PSD2: variants seen among roughly 807,000 people sequenced by gnomAD.
PSD2 encodes PH and SEC7 domain-containing protein 2.
A neutral mutation model predicts 69.8 loss-of-function variants in PSD2; 38 were observed. The ratio of observed to expected loss-of-function variants is 0.54; its 90% CI spans 0.42 to 0.71. PSD2 has a LOEUF of 0.71. Ranked by LOEUF, PSD2 falls within the 30% of genes least tolerant of loss-of-function variation. The pLI, the probability that PSD2 is intolerant of heterozygous loss-of-function variation, is 0.00. For missense variants in PSD2, 943 were observed against 1,014.5 expected (o/e 0.93, Z 0.96); for synonymous variants, 412 against 423.0 (o/e 0.97, Z 0.32).
In PSD2 at chr5:139,835,723, A is replaced by T. The variant is rs149135492; in HGVS notation, c.1360A>T (p.Thr454Ser). ...GQDFAKDLLK[T>S]LYNSIKNEKL... is the part of the protein sequence containing the mutation. Reference sequence around the variant, plus strand: ...CCCCTCTCTCTTTTCCCTCTCCCAGACCCTTTACAACTCCATCAAGAATGA... The same window carrying T: ...CCCCTCTCTCTTTTCCCTCTCCCAGTCCCTTTACAACTCCATCAAGAATGA... Residue 454 changes from threonine (T) to serine (S), a missense_variant and splice_region_variant, in exon 9 of 15, where the codon ACC becomes TCC. By Grantham distance (58) the Thr-to-Ser change is moderately conservative. This residue lies in a region of PSD2 where 312 missense variants were observed against 400.7 expected (regional missense o/e 0.78). Transcript: ENST00000274710. 9.4e-5 allele frequency: 151 copies of T among 1,613,872 alleles called. No individual in the cohort carries two copies. The African/African-American group carries it at 1.7e-3, about 18-fold the overall frequency.
Position 139,814,251 on chromosome 5 carries a change from C to T in PSD2, c.903C>T (p.Asp301=), listed in dbSNP as rs141034554. 17 of 1,613,762 alleles carry T rather than the reference C, an allele frequency of 1.1e-5. No homozygotes were observed. The highest frequency in any genetic ancestry group is 2.7e-5 in the African/African-American group (2 of 74,904). The change falls in exon 4 of 15, where the codon GAC becomes GAT. Residue 301 remains aspartate, a synonymous_variant. Transcript: ENST00000274710. This position sits in a 1 kb window ranked among gnomAD's most constrained non-coding sequence, Gnocchi z 4.4. ...SSEGLEPGSA[D]PLANGCQGVS... The stretch of plus-strand genomic sequence containing the variant: ...AGGGGTTGGAGCCTGGTAGTGCAGA[C>T]CCTCTGGCCAACGGGTGCCAGGGGG...
At chr5:139,801,780 C>A (rs998461516) in intron 1 of PSD2, among the ~76,000 whole-genome samples, 3 of 152,268 alleles carry the variant, frequency 2.0e-5, no homozygotes, top group Non-Finnish European at 2.9e-5. Flanking sequence ...TTGCCCTGAT[C>A]TTCCTCCCCA....
intron 1 of PSD2, among the ~76,000 whole-genome samples, chr5:139,796,254 G>T (rs1759523674): frequency 1.3e-5 from 2 of 152,204 alleles, no homozygotes; most frequent in African/African-American, 2.4e-5. Flanking sequence ...CCCGAGCCCA[G>T]CCTGAGGGAC....
At chr5:139,792,859 T>TTCCTTCCTTCC (rs1554093428), upstream of PSD2, among the ~76,000 whole-genome samples, 24 of 107,788 alleles carry the variant, frequency 2.2e-4, no homozygotes, top group Middle Eastern at 8.2e-3. Flanking sequence ...TCTTTCTGTC[T>TTCCTTCCTTCC]TTCCTTCCTT....
At chr5:139,747,007 C>T in the PSD2 span, among the ~76,000 whole-genome samples, 12 of 152,186 alleles carry the variant, frequency 7.9e-5, no homozygotes, top group Admixed American at 1.3e-4. This position sits in a 1 kb window ranked among gnomAD's most constrained non-coding sequence, Gnocchi z 6.7. Context: ...CTCGCCCGGT[C>T]CTTCGCCCTC....
rs1038557165 is a variant in PSD2 at position 139,843,283 on chromosome 5, G to C, written c.*809G>C. 2.6e-5 allele frequency: 4 copies of C among 152,228 alleles called. No homozygotes were observed. Among genetic ancestry groups the C allele is most frequent in the Non-Finnish European group, 5.9e-5 (4 of 68,046 alleles). 9.4% of individuals were successfully genotyped at this position (152,228 alleles called of 1,614,324 possible). A position where few individuals can be genotyped will look rare whatever the true frequency, so the allele number is the denominator to read the frequency against. ...CATTCCTGACGCTCTAGGAGGGAAGGGGGAGGCAGTGCTGGCCTCCCTTGC... is the reference window on the plus strand; with the variant it reads ...CATTCCTGACGCTCTAGGAGGGAAGCGGGAGGCAGTGCTGGCCTCCCTTGC... On this transcript the variant is annotated 3_prime_UTR_variant, in exon 15 of 15. Coordinates refer to ENST00000274710, the MANE Select transcript of PSD2 (RefSeq NM_032289.4).
At chr5:139,782,252 C>T in the PSD2 span, among the ~76,000 whole-genome samples, 4 of 150,688 alleles carry the variant, frequency 2.7e-5, no homozygotes, top group Non-Finnish European at 4.4e-5. Context: ...GGCACAATCT[C>T]GGCTCACTAT....
the PSD2 span, among the ~76,000 whole-genome samples, chr5:139,752,393 C>T: frequency 6.6e-6 from 1 of 152,160 alleles, no homozygotes. Flanking sequence ...CACCTGGGTG[C>T]ACACAGGCAA....
At chr5:139,744,261 A>G in the PSD2 span, among the ~76,000 whole-genome samples, 1 of 152,004 alleles carries the variant, frequency 6.6e-6, no homozygotes, top group Non-Finnish European at 1.5e-5. Context: ...ATCCTGTATC[A>G]CCTTCCTGCA....
At position 139,840,114 on chromosome 5, in the gene PSD2, A is replaced by G. The variant is rs760178336; in HGVS notation, c.2056A>G (p.Ile686Val). Residue 686 changes from isoleucine to valine, a missense_variant, in exon 14 of 15, where the codon ATC becomes GTC. Physicochemically the swap from Ile to Val is conservative, Grantham distance 29. Coordinates refer to ENST00000274710, the MANE Select transcript of PSD2 (RefSeq NM_032289.4). ...EHRCHPVERG[I>V]KSKEAEEYRL... ...CAGGTGTCACCCAGTCGAGAGGGGC[A>G]TCAAGTCCAAGGAGGCCGAGGAGTA... 4 of 1,614,108 alleles carry G rather than the reference A, an allele frequency of 2.5e-6. No individual in the cohort carries two copies. Among genetic ancestry groups the G allele is most frequent in the Non-Finnish European group, 1.7e-6 (2 of 1,180,050 alleles).
rs58644184 is a variant in PSD2, at chr5:139,830,626, C to CTTTCTTTCTTTCTTTCTTTCTTTCTT, written c.1270-3075_1270-3074insTTCTTTCTTTCTTTCTTTCTTTCTTT. 1.9e-3 allele frequency among the ~76,000 whole-genome samples: 190 copies of CTTTCTTTCTTTCTTTCTTTCTTTCTT among 97,666 alleles called. 4 individuals carry two copies. Among genetic ancestry groups the CTTTCTTTCTTTCTTTCTTTCTTTCTT allele is most frequent in the African/African-American group, 9.0e-3 (171 of 18,930 alleles). The allele number at this position is 97,666 out of a possible 152,430, so 64.1% of individuals were successfully genotyped here. A position where few individuals can be genotyped will look rare whatever the true frequency, so the allele number is the denominator to read the frequency against. On this transcript the variant is annotated intron_variant, in intron 7 of 14. Transcript: ENST00000274710. The stretch of plus-strand genomic sequence containing the variant: ...TTTCTTTCTCTTTCTTTCTTTCTTT[C>CTTTCTTTCTTTCTTTCTTTCTTTCTT]TCTTTCTTTCTTTCTTTCTTTCTTT...
chr5:139,751,238 C>A, the PSD2 span, among the ~76,000 whole-genome samples: 2 of 152,182 alleles, frequency 1.3e-5, no homozygotes, highest in Non-Finnish European at 2.9e-5. Context: ...CAAGACAGCA[C>A]CTCCTGCCTG....
the PSD2 span, among the ~76,000 whole-genome samples, chr5:139,743,248 C>A: frequency 6.6e-6 from 1 of 152,196 alleles, no homozygotes; most frequent in African/African-American, 2.4e-5. Flanking sequence ...CAGCACCTTG[C>A]TGGAGGGCCC....
Position 139,814,082 on chromosome 5 carries a change from C to T in PSD2, c.822-88C>T. On this transcript the variant is annotated intron_variant, in intron 3 of 14. Transcript: ENST00000274710. This position sits in a 1 kb window ranked among gnomAD's most constrained non-coding sequence, Gnocchi z 4.4. ...CCTGTTCTGGCCCCTACATGGTTTGCAGTGGCCTGGGGAAACCTCCCAGCC... is the reference window on the plus strand; with the variant it reads ...CCTGTTCTGGCCCCTACATGGTTTGTAGTGGCCTGGGGAAACCTCCCAGCC... The T allele has an allele frequency of 7.8e-7, 1 of 1,277,646 alleles. No individual in the cohort carries two copies. Among genetic ancestry groups the T allele is most frequent in the Non-Finnish European group, 1.1e-6 (1 of 901,234 alleles). The allele number at this position is 1,277,646 out of a possible 1,614,324, so 79.1% of individuals were successfully genotyped here.
chr5:139,783,676 T>G, the PSD2 span, among the ~76,000 whole-genome samples: 1 of 152,016 alleles, frequency 6.6e-6, no homozygotes, highest in African/African-American at 2.4e-5. Flanking sequence ...AACCCTGCTG[T>G]TGGGTTCTCC....
the PSD2 span, among the ~76,000 whole-genome samples, chr5:139,762,884 G>A: frequency 6.6e-6 from 1 of 152,134 alleles, no homozygotes; most frequent in African/African-American, 2.4e-5. Context: ...ATGGCCTGGG[G>A]GGAGAGCAGC....
At chr5:139,807,133 C>G (rs1363799713) in intron 1 of PSD2, among the ~76,000 whole-genome samples, 1 of 152,184 alleles carries the variant, frequency 6.6e-6, no homozygotes, top group Non-Finnish European at 1.5e-5. Context: ...ACTCTTAAAC[C>G]TCAGGTTTCA....
the PSD2 span, among the ~76,000 whole-genome samples, chr5:139,764,575 T>C: frequency 4.6e-5 from 7 of 152,186 alleles, no homozygotes; most frequent in East Asian, 1.4e-3. Flanking sequence ...AGCGTCTCCA[T>C]GGCAACGCGG....
chr5:139,796,443 G>T (rs1047515928), intron 1 of PSD2, among the ~76,000 whole-genome samples: 6 of 152,220 alleles, frequency 3.9e-5, no homozygotes, highest in African/African-American at 1.4e-4. Flanking sequence ...CTGCAGCTTT[G>T]AGGATTTATT....
Sources: allele counts gnomAD v4.1 joint callset (sites outside exome capture counted in the v4.1 genomes callset), GRCh38; gene constraint gnomAD v4.1.1; regional missense constraint gnomAD v4.1.1; non-coding constraint Gnocchi (gnomAD v3.1); transcripts MANE v1.5; gene names NCBI Gene and HGNC (gene_info 2026-07-23, HGNC 2026-07-21).